ZNF880: variants seen among roughly 807,000 people sequenced by gnomAD.
ZNF880 encodes zinc finger protein 880.
Under a neutral mutation model 11.8 loss-of-function variants are expected in ZNF880, and 12 were observed. The observed-to-expected ratio is 1.02, with a 90% CI of 0.65 to 1.65. The LOEUF (loss-of-function observed/expected upper bound fraction) is 1.65, where lower values mean the gene tolerates loss of function less well. Ranked by LOEUF, ZNF880 falls within the 40% of genes most tolerant of loss-of-function variation. The pLI is 0.00. For synonymous variants in ZNF880, 210 were observed against 232.4 expected (o/e 0.90, Z 0.88); for missense variants, 601 against 673.9 (o/e 0.89, Z 1.20).
intron 3 of ZNF880, among the ~76,000 whole-genome samples, chr19:52,382,571 G>T (rs1986736532): frequency 6.6e-6 from 1 of 151,886 alleles, no homozygotes; most frequent in Admixed American, 6.6e-5. Flanking sequence ...TGATATTTTT[G>T]CTTTTTTTAA....
upstream of ZNF880, among the ~76,000 whole-genome samples, chr19:52,367,970 T>C (rs935185035): frequency 4.0e-4 from 61 of 151,854 alleles, no homozygotes; most frequent in African/African-American, 1.3e-3. Context: ...GGAGGCTGCA[T>C]TGGGTGGATC....
chr19:52,376,953 C>T (rs1212020883), intron 3 of ZNF880, among the ~76,000 whole-genome samples: 5 of 152,132 alleles, frequency 3.3e-5, no homozygotes, highest in East Asian at 3.9e-4. Context: ...TTTACTCTGC[C>T]GATTATTTCT....
rs1283141384 is a variant in ZNF880, at chr19:52,384,605, A to C, written c.1025A>C (p.His342Pro). The change falls in exon 4 of 4, where the codon CAT becomes CCT. Residue 342 changes from histidine to proline, a missense_variant. Around this residue, in one of 3 missense-constraint regions of ZNF880, gnomAD observed 420 missense variants for 442.6 expected, o/e 0.95. Coordinates refer to ENST00000422689, the MANE Select transcript of ZNF880 (RefSeq NM_001145434.2). Reference protein sequence around the residue: ...AFSGGSGLTAHLVIHTGEKLY... With the variant: ...AFSGGSGLTAPLVIHTGEKLY... ...TCAGGGGGTTCAGGCCTTACTGCTC[A>C]TCTTGTAATTCACACTGGAGAGAAA... The C allele has an allele frequency of 1.1e-5, 17 of 1,613,036 alleles. No individual in the cohort carries two copies. Among genetic ancestry groups the C allele is most frequent in the Non-Finnish European group, 1.4e-5 (17 of 1,179,456 alleles).
upstream of ZNF880, among the ~76,000 whole-genome samples, chr19:52,369,550 T>C (rs969825988): frequency 1.3e-5 from 2 of 152,064 alleles, no homozygotes; most frequent in African/African-American, 4.8e-5. Context: ...TATGATTATG[T>C]ATTTATTAGG....
downstream of ZNF880, among the ~76,000 whole-genome samples, chr19:52,386,727 G>A (rs528588272): frequency 2.3e-3 from 317 of 138,192 alleles, 41 homozygotes; most frequent in African/African-American, 8.7e-3. Flanking sequence ...GCTTGAACCC[G>A]GGAGGCAGAG....
chr19:52,392,328 C>T, the ZNF880 span, among the ~76,000 whole-genome samples: 1 of 151,920 alleles, frequency 6.6e-6, no homozygotes, highest in African/African-American at 2.4e-5. Flanking sequence ...TTTGACGGAG[C>T]CTCGCTCTGT....
At chr19:52,378,281 T>G (rs149463115) in intron 3 of ZNF880, among the ~76,000 whole-genome samples, 1 of 152,266 alleles carries the variant, frequency 6.6e-6, no homozygotes, top group East Asian at 1.9e-4. Flanking sequence ...CATACTTTAG[T>G]GGTGTGTGTA....
In ZNF880 at chr19:52,370,099, ACTC is replaced by A. The variant is rs1449097588; in HGVS notation, c.12+123_12+125del. 18 of 1,278,660 alleles carry A rather than the reference ACTC, an allele frequency of 1.4e-5. No individual in the cohort carries two copies. In the Admixed American group the frequency reaches 3.0e-4, roughly 21 times the overall value. The allele number at this position is 1,278,660 out of a possible 1,614,324, so 79.2% of individuals were successfully genotyped here. ...GCATCGCTCCCTCCACCCCGACTAAACTCAGACGTTCTAATGAGAGTCTGGCGG... is the reference window on the plus strand; with the variant it reads ...GCATCGCTCCCTCCACCCCGACTAAAAGACGTTCTAATGAGAGTCTGGCGG... On this transcript the variant is annotated intron_variant, in intron 1 of 3. Transcript: ENST00000422689.
the ZNF880 span, among the ~76,000 whole-genome samples, chr19:52,392,169 G>A: frequency 2.6e-5 from 4 of 152,286 alleles, no homozygotes; most frequent in South Asian, 6.2e-4. Context: ...TATAAAGGAT[G>A]TTACACAGGA....
rs192032495 is a variant in ZNF880 at position 52,372,996 on chromosome 19, A to T, written c.13-115A>T. The T allele has an allele frequency of 5.8e-5, 60 of 1,026,466 alleles. 2 individuals are homozygous for T. The highest frequency in any genetic ancestry group is 1.0e-5 in the Non-Finnish European group (7 of 672,106). The allele number at this position is 1,026,466 out of a possible 1,614,324, so 63.6% of individuals were successfully genotyped here. A position where few individuals can be genotyped will look rare whatever the true frequency, so the allele number is the denominator to read the frequency against. On this transcript the variant is annotated intron_variant, in intron 1 of 3. Coordinates refer to ENST00000422689, the MANE Select transcript of ZNF880 (RefSeq NM_001145434.2). ...CACAATTAGAAACATATAACTAGCTAAAAAAATACCTTAACGTGGATTTGT... is the reference window on the plus strand; with the variant it reads ...CACAATTAGAAACATATAACTAGCTTAAAAAATACCTTAACGTGGATTTGT...
downstream of ZNF880, chr19:52,388,898 A>C (rs1420981759): frequency 6.6e-6 from 1 of 152,242 alleles, no homozygotes; most frequent in African/African-American, 2.4e-5. Flanking sequence ...GAGACCTCAC[A>C]ATCATGGCAG....
intron 3 of ZNF880, among the ~76,000 whole-genome samples, chr19:52,381,732 T>TTG (rs1317984989): frequency 6.6e-6 from 1 of 152,190 alleles, no homozygotes; most frequent in African/African-American, 2.4e-5. Flanking sequence ...ATCCCATCTC[T>TTG]TGTGTGTGTC....
At chr19:52,379,308 C>A in intron 3 of ZNF880, 2 of 361,186 alleles carry the variant, frequency 5.5e-6, no homozygotes, top group South Asian at 4.3e-5. Flanking sequence ...ATAAATATTT[C>A]TTTTCCTTTC....
chr19:52,379,657 C>A, intron 3 of ZNF880: 1 of 268,226 alleles, frequency 3.7e-6, no homozygotes, highest in South Asian at 3.2e-5. Context: ...ACTTTGAGGG[C>A]AGAACTGCTC....
Position 52,374,393 on chromosome 19 carries a change from A to G in ZNF880, c.234A>G (p.Pro78=). 6.2e-7 allele frequency: 1 copy of G among 1,613,102 alleles called. No individual in the cohort carries two copies. The highest frequency in any genetic ancestry group is 8.5e-7 in the Non-Finnish European group (1 of 1,179,566). The part of the protein sequence containing the change: ...LQSEVKIANN[P]GGRECIKGVN... Reference sequence around the variant, plus strand: ...GTGAAGTGAAAATAGCAAACAATCCAGGTGGCAGGGAGTGCATCAAAGGTG... The same window carrying G: ...GTGAAGTGAAAATAGCAAACAATCCGGGTGGCAGGGAGTGCATCAAAGGTG... Residue 78 remains proline (P), a synonymous_variant, in exon 3 of 4, where the codon CCA becomes CCG. Coordinates refer to ENST00000422689, the MANE Select transcript of ZNF880 (RefSeq NM_001145434.2).
intron 3 of ZNF880, among the ~76,000 whole-genome samples, chr19:52,381,132 T>C (rs545653267): frequency 3.3e-5 from 5 of 152,214 alleles, no homozygotes; most frequent in African/African-American, 1.2e-4. Flanking sequence ...CTACTTTTAA[T>C]AGAGATGGGG....
At chr19:52,391,884 C>T in the ZNF880 span, among the ~76,000 whole-genome samples, 13 of 152,210 alleles carry the variant, frequency 8.5e-5, no homozygotes, top group Non-Finnish European at 1.8e-4. Context: ...GTTTTTTCTA[C>T]TCACAATCAA....
chr19:52,390,187 T>C, downstream of ZNF880: 1 of 172,318 alleles, frequency 5.8e-6, no homozygotes, highest in Non-Finnish European at 1.3e-5. Context: ...TATCGCGGAG[T>C]TTTCCTGCCT....
At chr19:52,380,563 C>T (rs372137750) in intron 3 of ZNF880, among the ~76,000 whole-genome samples, 7 of 151,968 alleles carry the variant, frequency 4.6e-5, no homozygotes, top group African/African-American at 1.4e-4. Flanking sequence ...AACATCTTAT[C>T]GGAGGTTTGA....
Sources: gnomAD v4.1 joint callset for allele counts (sites outside exome capture counted in the v4.1 genomes callset) on GRCh38, gnomAD v4.1.1 for gene constraint, gnomAD v4.1.1 regional missense constraint, MANE v1.5 for transcripts, NCBI Gene and HGNC (gene_info 2026-07-23, HGNC 2026-07-21) for gene names.